The following MICAL2 variants were observed in gnomAD, a reference collection of about 807,000 sequenced individuals.
MICAL2 encodes [F-actin]-monooxygenase MICAL2.
MICAL2 carries 77 observed loss-of-function variants against 127.3 expected under a neutral mutation model. The observed-to-expected ratio is 0.60, with a 90% CI of 0.50 to 0.73. The LOEUF is 0.73. MICAL2 is among the 30% of genes least tolerant of loss of function. The probability of loss-of-function intolerance (pLI) is 0.00; values close to 1 mark genes in which losing one functional copy is unlikely to be tolerated. For synonymous variants in MICAL2, 570 were observed against 551.1 expected, an observed-to-expected ratio of 1.03 and a Z score of -0.48; for missense variants, 1,351 against 1,434.4, an observed-to-expected ratio of 0.94 and a Z score of 0.94.
intron 2 of MICAL2, among the ~76,000 whole-genome samples, chr11:12,159,876 G>A (rs911978425): frequency 6.6e-6 from 1 of 152,184 alleles, no homozygotes; most frequent in African/African-American, 2.4e-5. Flanking sequence ...CACAGTGGAC[G>A]CTCACAGAGC....
chr11:12,137,709 G>C (rs1851964762), intron 1 of MICAL2, among the ~76,000 whole-genome samples: 2 of 152,164 alleles, frequency 1.3e-5, no homozygotes, highest in Non-Finnish European at 2.9e-5. Context: ...TTTCACACCT[G>C]TGTTAGTTTT....
chr11:12,263,871 C>A (rs1011137086), downstream of MICAL2: 5 of 152,466 alleles, frequency 3.3e-5, no homozygotes, highest in African/African-American at 9.7e-5. Context: ...TTTCCCTAAA[C>A]TGCTGGCGGG....
intron 2 of MICAL2, among the ~76,000 whole-genome samples, chr11:12,154,245 G>C (rs1853914932): frequency 6.6e-6 from 1 of 152,154 alleles, no homozygotes; most frequent in Admixed American, 6.5e-5. Flanking sequence ...CATGCAGGAT[G>C]ACCCTTTCTG....
chr11:12,294,524 A>C, downstream of MICAL2: 3 of 1,614,158 alleles, frequency 1.9e-6, no homozygotes, highest in Non-Finnish European at 2.5e-6. Flanking sequence ...CCCACCCTGC[A>C]GCAAGATTGA....
chr11:12,311,340 A>C (rs534203646), intron 29 of MICAL2, among the ~76,000 whole-genome samples: 1 of 152,246 alleles, frequency 6.6e-6, no homozygotes, highest in African/African-American at 2.4e-5. Flanking sequence ...ACCTATGTTT[A>C]TAAATGATGT....
intron 15 of MICAL2, among the ~76,000 whole-genome samples, chr11:12,228,143 A>T (rs568861381): frequency 8.3e-4 from 127 of 152,360 alleles, no homozygotes; most frequent in African/African-American, 2.9e-3. Flanking sequence ...AGCCTGGCCA[A>T]TATGATGAAA....
chr11:12,139,504 G>A lies in MICAL2; in HGVS notation c.-78+1044G>A, dbSNP rs976368639. ...GGCATGGGCGGAGGCTCCGGCGGAG[G>A]GGCAGCCGGCGTGCATGTCAGGGCA... On this transcript the variant is annotated intron_variant, in intron 2 of 27. Transcript: ENST00000683283. Among the ~76,000 whole-genome samples the A allele has an allele frequency of 2.0e-5, 3 of 152,290 alleles. No individual in the cohort carries two copies. In the South Asian group the frequency reaches 6.2e-4, roughly 32 times the overall value.
intron 4 of MICAL2, among the ~76,000 whole-genome samples, chr11:12,206,626 T>C (rs1378517834): frequency 6.6e-6 from 1 of 152,218 alleles, no homozygotes; most frequent in Non-Finnish European, 1.5e-5. Flanking sequence ...TACTCAGCAC[T>C]GCTCAGCAGT....
chr11:12,136,847 C>A (rs1209344196), intron 1 of MICAL2, among the ~76,000 whole-genome samples: 1 of 152,112 alleles, frequency 6.6e-6, no homozygotes, highest in Non-Finnish European at 1.5e-5. Context: ...ATGAAGACAG[C>A]CTAAGCTGAA....
downstream of MICAL2, among the ~76,000 whole-genome samples, chr11:12,288,135 C>A (rs999376029): frequency 9.2e-5 from 14 of 152,214 alleles, no homozygotes; most frequent in African/African-American, 1.9e-4. Context: ...GGACCCAGGG[C>A]TGCACTCTTG....
At chr11:12,125,881 T>C (rs2133506830) in intron 1 of MICAL2, among the ~76,000 whole-genome samples, 1 of 151,844 alleles carries the variant, frequency 6.6e-6, no homozygotes, top group Non-Finnish European at 1.5e-5. Context: ...TTTTTTTTTC[T>C]TTAAATAACA....
At chr11:12,127,480 A>G (rs1489618076) in intron 1 of MICAL2, among the ~76,000 whole-genome samples, 7 of 152,192 alleles carry the variant, frequency 4.6e-5, no homozygotes. Flanking sequence ...CCAGGTGATG[A>G]GAGGTATGGT....
chr11:12,140,425 A>G (rs945831451), intron 2 of MICAL2, among the ~76,000 whole-genome samples: 1 of 151,706 alleles, frequency 6.6e-6, no homozygotes, highest in Non-Finnish European at 1.5e-5. Context: ...AACTCCAACC[A>G]TAGTAAATCT....
Position 12,239,488 on chromosome 11 carries a change from G to A in MICAL2, c.2117G>A (p.Ser706Asn). 1 of 1,614,260 alleles carries A rather than the reference G, an allele frequency of 6.2e-7. No homozygotes were observed. The highest frequency in any genetic ancestry group is 8.5e-7 in the Non-Finnish European group (1 of 1,180,042). ...SLGSNQECGS[S>N]KEGGNQNKVK... ...GGCTCCAATCAAGAGTGTGGGAGCA[G>A]TAAGGAAGGTGGAAATCAGAACAAA... is the stretch of plus-strand genomic sequence containing the variant. The change falls in exon 17 of 28, where the codon AGT (serine) becomes AAT (asparagine). Residue 706 changes from serine to asparagine, a missense_variant. Around this residue, in one of 2 missense-constraint regions of MICAL2, gnomAD observed 752 missense variants for 719.4 expected, o/e 1.05. Transcript: ENST00000683283.
At chr11:12,293,649 G>T, downstream of MICAL2, 2 of 1,614,068 alleles carry the variant, frequency 1.2e-6, no homozygotes, top group South Asian at 1.1e-5. Context: ...GTAGCCCAAG[G>T]AGCACCCAGG....
chr11:12,344,260 C>A (rs1175806942), intron 32 of MICAL2, among the ~76,000 whole-genome samples: 1 of 151,998 alleles, frequency 6.6e-6, no homozygotes, highest in East Asian at 1.9e-4. Context: ...CATGCTACTG[C>A]ACTCCAGCCT....
At chr11:12,250,588 C>G (rs1254861391) in intron 22 of MICAL2, among the ~76,000 whole-genome samples, 1 of 152,120 alleles carries the variant, frequency 6.6e-6, no homozygotes, top group Non-Finnish European at 1.5e-5. Flanking sequence ...CTGAAATGTT[C>G]TAATTAATTT....
At chr11:12,218,597 G>A (rs1222343748) in intron 8 of MICAL2, among the ~76,000 whole-genome samples, 1 of 152,144 alleles carries the variant, frequency 6.6e-6, no homozygotes, top group Non-Finnish European at 1.5e-5. Flanking sequence ...TCACCTCCAC[G>A]CCTTCGGAGA....
chr11:12,349,100 T>C (rs1217715014), intron 32 of MICAL2, among the ~76,000 whole-genome samples: 1 of 152,214 alleles, frequency 6.6e-6, no homozygotes, highest in Non-Finnish European at 1.5e-5. Context: ...ATACAGCTTG[T>C]GTTCTCCTTT....
Sources: allele counts gnomAD v4.1 joint callset (sites outside exome capture counted in the v4.1 genomes callset), GRCh38; gene constraint gnomAD v4.1.1; regional missense constraint gnomAD v4.1.1; transcripts MANE v1.5; gene names NCBI Gene and HGNC (gene_info 2026-07-23, HGNC 2026-07-21).